CEP76: variants seen among roughly 807,000 people sequenced by gnomAD.
CEP76 encodes the protein centrosomal protein of 76 kDa.
A neutral mutation model predicts 83.3 loss-of-function variants in CEP76; 55 were observed. That is an observed-to-expected ratio of 0.66 (90% CI 0.53 to 0.83). CEP76 has a LOEUF of 0.83. Ranked by LOEUF, CEP76 falls within the 40% of genes least tolerant of loss-of-function variation. CEP76 has a pLI of 0.00. For synonymous variants in CEP76, 270 were observed against 274.5 expected, an observed-to-expected ratio of 0.98 and a Z score of 0.16; for missense variants, 694 against 799.5, an observed-to-expected ratio of 0.87 and a Z score of 1.59.
intron 8 of CEP76, among the ~76,000 whole-genome samples, chr18:12,681,961 A>G (rs1232915283): frequency 1.3e-5 from 2 of 151,566 alleles, no homozygotes; most frequent in African/African-American, 4.8e-5. Context: ...GTGCCACTGC[A>G]CTCCAGCCTG....
At chr18:12,672,321 G>A (rs936328429), downstream of CEP76, among the ~76,000 whole-genome samples, 1 of 151,884 alleles carries the variant, frequency 6.6e-6, no homozygotes, top group Non-Finnish European at 1.5e-5. Context: ...TCACCATGTT[G>A]CCCAGGCTGG....
At position 12,686,335 on chromosome 18, in the gene CEP76, C is replaced by T. The variant is rs1598638123; in HGVS notation, c.1049G>A (p.Arg350Gln). ...ARFVNVLGYE[R>Q]APVIGGGGKQ... ...ACCTCCTCCTCCAATAACAGGGGCTCGTTCATAACCAAGGACATTAACAAA... is the reference window on the plus strand; with the variant it reads ...ACCTCCTCCTCCAATAACAGGGGCTTGTTCATAACCAAGGACATTAACAAA... Residue 350 changes from arginine (R) to glutamine (Q), a missense_variant, in exon 8 of 12, where the codon CGA becomes CAA. Physicochemically the swap from Arg to Gln is conservative, Grantham distance 43 (BLOSUM62 1). Transcript: ENST00000262127. The T allele has an allele frequency of 5.0e-6, 8 of 1,614,000 alleles. No individual in the cohort carries two copies. Among genetic ancestry groups the T allele is most frequent in the Non-Finnish European group, 6.8e-6 (8 of 1,179,976 alleles).
chr18:12,674,187 A>G (rs541108479), intron 11 of CEP76, among the ~76,000 whole-genome samples: 4 of 152,222 alleles, frequency 2.6e-5, no homozygotes, highest in Admixed American at 2.6e-4. Flanking sequence ...CTGTAATCCC[A>G]GCAATTTGGG....
At position 12,678,129 on chromosome 18, in the gene CEP76, G is replaced by A. The variant is rs769159491; in HGVS notation, c.1603C>T (p.Leu535=). The part of the protein sequence containing the change: ...SNEIEMQLRL[L]VSEHRKDLGL... Reference sequence around the variant, plus strand: ...ATTACCTTCCTGTGTTCTGACACCAGGAGCCTCAGCTGCATTTCAATTTCA... The same window carrying A: ...ATTACCTTCCTGTGTTCTGACACCAAGAGCCTCAGCTGCATTTCAATTTCA... Residue 535 remains leucine (L), a synonymous_variant, in exon 10 of 12, where the codon CTG becomes TTG. Transcript: ENST00000262127. 5 of 1,612,434 alleles carry A rather than the reference G, an allele frequency of 3.1e-6. No individual in the cohort carries two copies. Among genetic ancestry groups the A allele is most frequent in the East Asian group, 2.2e-5 (1 of 44,840 alleles).
chr18:12,663,148 T>C (rs2144940524), intron 12 of CEP76, among the ~76,000 whole-genome samples: 1 of 152,300 alleles, frequency 6.6e-6, no homozygotes, highest in East Asian at 1.9e-4. Flanking sequence ...TCAAATACAT[T>C]TCCTATAACA....
At chr18:12,665,067 A>G (rs1284330951) in intron 12 of CEP76, 1 of 151,990 alleles carries the variant, frequency 6.6e-6, no homozygotes, top group Non-Finnish European at 1.5e-5. Flanking sequence ...ATGTACAGGT[A>G]GAGGTCTAGA....
chr18:12,702,631 G>A lies in CEP76; in HGVS notation c.-83C>T. The A allele has an allele frequency of 1.3e-5, 19 of 1,437,714 alleles. No individual in the cohort carries two copies. Among genetic ancestry groups the A allele is most frequent in the Non-Finnish European group, 1.7e-5 (18 of 1,071,462 alleles). The allele number at this position is 1,437,714 out of a possible 1,614,324, so 89.1% of individuals were successfully genotyped here. A position where few individuals can be genotyped will look rare whatever the true frequency, so the allele number is the denominator to read the frequency against. Reference sequence around the variant, plus strand: ...GCCCCGGCCGGGCCAGGGAGCGTTAGGAGCGACTGGAGCACAAAGCGCCGC... The same window carrying A: ...GCCCCGGCCGGGCCAGGGAGCGTTAAGAGCGACTGGAGCACAAAGCGCCGC... On this transcript the variant is annotated 5_prime_UTR_variant, in exon 1 of 12. Transcript: ENST00000262127.
At chr18:12,687,139 C>T (rs34859829) in intron 7 of CEP76, among the ~76,000 whole-genome samples, 13,571 of 152,166 alleles carry the variant, frequency 0.089, 834 homozygotes, top group Non-Finnish European at 0.13. Flanking sequence ...TTCATGGTTA[C>T]TGATACGGCA....
chr18:12,665,199 A>T (rs1261374159), intron 12 of CEP76: 1 of 152,176 alleles, frequency 6.6e-6, no homozygotes, highest in Non-Finnish European at 1.5e-5. Flanking sequence ...TGTTTAATGA[A>T]TTCAGCACAT....
chr18:12,675,099 A>T (rs1449032445), intron 10 of CEP76, among the ~76,000 whole-genome samples: 4 of 111,136 alleles, frequency 3.6e-5, no homozygotes, highest in Non-Finnish European at 8.5e-5. Flanking sequence ...TATTTTACTT[A>T]ACTTTAAAGA....
downstream of CEP76, among the ~76,000 whole-genome samples, chr18:12,671,705 G>C (rs974285854): frequency 1.5e-5 from 2 of 136,838 alleles, no homozygotes; most frequent in African/African-American, 2.8e-5. Context: ...CTGGAATGCA[G>C]TGACGCGATC....
chr18:12,681,838 T>C (rs1026405048), intron 8 of CEP76, among the ~76,000 whole-genome samples: 1 of 151,826 alleles, frequency 6.6e-6, no homozygotes, highest in Non-Finnish European at 1.5e-5. Flanking sequence ...TATAAAAAAA[T>C]AGAAAATATT....
At chr18:12,696,580 T>A (rs184099193) in intron 5 of CEP76, among the ~76,000 whole-genome samples, 92 of 152,294 alleles carry the variant, frequency 6.0e-4, no homozygotes, top group African/African-American at 2.1e-3. Context: ...TGTGACTAAG[T>A]TTAAAAACCA....
At chr18:12,693,970 T>C (rs1349718944) in intron 6 of CEP76, among the ~76,000 whole-genome samples, 1 of 152,144 alleles carries the variant, frequency 6.6e-6, no homozygotes, top group Admixed American at 6.6e-5. Context: ...CAGCTGGGAC[T>C]ACAAGTATGT....
downstream of CEP76, among the ~76,000 whole-genome samples, chr18:12,669,995 CA>C (rs112045361): frequency 2.9e-4 from 38 of 128,916 alleles, no homozygotes; most frequent in Admixed American, 5.8e-4. Flanking sequence ...CAAACTGTCT[CA>C]AAAAAAAAAA....
At chr18:12,685,971 C>T (rs959580028) in intron 8 of CEP76, 2 of 242,056 alleles carry the variant, frequency 8.3e-6, no homozygotes, top group Middle Eastern at 1.6e-3. Flanking sequence ...AGCACATCCT[C>T]CTATATACTT....
downstream of CEP76, chr18:12,671,002 G>GA (rs769095210): frequency 6.6e-6 from 1 of 152,110 alleles, no homozygotes; most frequent in African/African-American, 2.4e-5. Flanking sequence ...AGTCTCACAA[G>GA]AAACATCTGA....
At chr18:12,677,868 C>T (rs1054884452) in intron 10 of CEP76, among the ~76,000 whole-genome samples, 1 of 152,128 alleles carries the variant, frequency 6.6e-6, no homozygotes, top group Non-Finnish European at 1.5e-5. Context: ...TGAACAAGTT[C>T]ACCATTCTTC....
chr18:12,674,732 A>G lies in CEP76; in HGVS notation c.1645T>C (p.Trp549Arg). 6.2e-7 allele frequency: 1 copy of G among 1,613,992 alleles called. No homozygotes were observed. Among genetic ancestry groups the G allele is most frequent in the Non-Finnish European group, 8.5e-7 (1 of 1,179,902 alleles). ...HRKDLGLTTV[W>R]EDQLSYLLSP... ...AAAAGGTAGGAGAGCTGGTCTTCCC[A>G]AACAGTAGTGAGGCCAAGATCCTAT... is the stretch of plus-strand genomic sequence containing the variant. The change falls in exon 11 of 12, where the codon TGG (tryptophan) becomes CGG (arginine). Residue 549 changes from tryptophan to arginine, a missense_variant. Physicochemically the swap from Trp to Arg is moderately radical, Grantham distance 101 (BLOSUM62 -3). Coordinates refer to ENST00000262127, the MANE Select transcript of CEP76 (RefSeq NM_024899.4).
Sources: allele counts gnomAD v4.1 joint callset (sites outside exome capture counted in the v4.1 genomes callset), GRCh38; gene constraint gnomAD v4.1.1; transcripts MANE v1.5; gene names NCBI Gene and HGNC (gene_info 2026-07-23, HGNC 2026-07-21).